Variants in GRID2 observed in about 807,000 individuals in gnomAD.
GRID2 encodes the protein glutamate receptor ionotropic, delta-2.
GRID2 carries 33 observed loss-of-function variants against 114.8 expected under a neutral mutation model. That is an observed-to-expected ratio of 0.29 (90% CI 0.22 to 0.38). The LOEUF (loss-of-function observed/expected upper bound fraction) is 0.38, where lower values mean the gene tolerates loss of function less well. Among genes scored for constraint, GRID2 ranks in the 10% least tolerant of loss-of-function variants. GRID2 has a pLI of 1.00. For synonymous variants in GRID2, 505 were observed against 449.9 expected (o/e 1.12, Z -1.55); for missense variants, 1,184 against 1,257.7 (o/e 0.94, Z 0.89).
intron 2 of GRID2, among the ~76,000 whole-genome samples, chr4:92,881,716 T>C (rs1746031964): frequency 6.6e-6 from 1 of 152,168 alleles, no homozygotes; most frequent in Non-Finnish European, 1.5e-5. Flanking sequence ...TAGGTATTGT[T>C]TTTATTAAAT....
At chr4:92,500,145 A>C (rs758366815) in intron 1 of GRID2, among the ~76,000 whole-genome samples, 1 of 152,070 alleles carries the variant, frequency 6.6e-6, no homozygotes, top group Non-Finnish European at 1.5e-5. Flanking sequence ...GCATTTTACT[A>C]GGATTTGCTT....
At chr4:92,708,231 G>C (rs958646761) in intron 2 of GRID2, among the ~76,000 whole-genome samples, 3 of 152,138 alleles carry the variant, frequency 2.0e-5, no homozygotes, top group African/African-American at 7.2e-5. Context: ...TCCAAAGGTG[G>C]AGAATTAAAA....
At chr4:92,634,102 AAAC>A (rs1730943314) in intron 2 of GRID2, among the ~76,000 whole-genome samples, 1 of 151,498 alleles carries the variant, frequency 6.6e-6, no homozygotes, top group Admixed American at 6.6e-5. Context: ...ATGAGCTAGA[AAAC>A]AAAAATTGCA....
intron 1 of GRID2, among the ~76,000 whole-genome samples, chr4:92,325,238 C>T (rs1018495532): frequency 6.6e-5 from 10 of 151,792 alleles, no homozygotes; most frequent in African/African-American, 2.4e-4. Flanking sequence ...TTAATTTTAA[C>T]CTTCTTTACC....
intron 1 of GRID2, among the ~76,000 whole-genome samples, chr4:92,533,885 G>C (rs961385813): frequency 6.6e-6 from 1 of 151,862 alleles, no homozygotes; most frequent in African/African-American, 2.4e-5. Flanking sequence ...TGTTCTGTTA[G>C]CTGTAGATTC....
At chr4:93,021,743 T>G (rs1442931511) in intron 2 of GRID2, among the ~76,000 whole-genome samples, 8 of 145,918 alleles carry the variant, frequency 5.5e-5, no homozygotes, top group African/African-American at 9.9e-5. Flanking sequence ...ATGAATATTA[T>G]AATTATTTAT....
chr4:93,583,323 C>A (rs931162186), intron 13 of GRID2, among the ~76,000 whole-genome samples: 1 of 152,082 alleles, frequency 6.6e-6, no homozygotes, highest in Non-Finnish European at 1.5e-5. Context: ...AATTAACTTT[C>A]TAGTTTGTGT....
intron 1 of GRID2, among the ~76,000 whole-genome samples, chr4:92,435,822 G>T (rs1422690089): frequency 6.6e-6 from 1 of 152,280 alleles, no homozygotes; most frequent in South Asian, 2.1e-4. Context: ...TCCATCACTG[G>T]AAGTATCTAG....
chr4:92,516,534 C>A (rs1724509069), intron 1 of GRID2, among the ~76,000 whole-genome samples: 1 of 151,792 alleles, frequency 6.6e-6, no homozygotes, highest in African/African-American at 2.4e-5. Context: ...GAAGAAAGCC[C>A]TGTGTGGTTT....
At chr4:93,043,137 T>C (rs1425601107) in intron 2 of GRID2, among the ~76,000 whole-genome samples, 1 of 152,192 alleles carries the variant, frequency 6.6e-6, no homozygotes, top group Non-Finnish European at 1.5e-5. Context: ...TTGAGTATAA[T>C]GACAAAGTTT....
At chr4:92,850,904 A>G (rs1743733130) in intron 2 of GRID2, among the ~76,000 whole-genome samples, 1 of 151,950 alleles carries the variant, frequency 6.6e-6, no homozygotes, top group South Asian at 2.1e-4. Context: ...AATTCTTCAT[A>G]TAATGGCTTT....
chr4:92,675,723 T>C (rs1219057891), intron 2 of GRID2, among the ~76,000 whole-genome samples: 1 of 151,706 alleles, frequency 6.6e-6, no homozygotes, highest in Non-Finnish European at 1.5e-5. Flanking sequence ...GCTAATTTTG[T>C]TTTTGTATTT....
intron 2 of GRID2, among the ~76,000 whole-genome samples, chr4:92,674,633 TGCCTCA>T (rs889945960): frequency 1.3e-5 from 2 of 152,130 alleles, no homozygotes; most frequent in Middle Eastern, 3.2e-3. Flanking sequence ...AGCAATTCTC[TGCCTCA>T]GCCTCCCAAG....
At chr4:92,413,924 T>A (rs1397472990) in intron 1 of GRID2, among the ~76,000 whole-genome samples, 1 of 152,024 alleles carries the variant, frequency 6.6e-6, no homozygotes, top group Non-Finnish European at 1.5e-5. Context: ...GACAGAGGAT[T>A]TTTTTAAATG....
intron 1 of GRID2, among the ~76,000 whole-genome samples, chr4:92,305,240 G>T (rs922976605): frequency 3.9e-5 from 6 of 152,136 alleles, no homozygotes; most frequent in Admixed American, 1.3e-4. Flanking sequence ...GGCTGAGTTC[G>T]CCGCAGCTTA....
chr4:93,573,012 T>C (rs751088839), intron 13 of GRID2, among the ~76,000 whole-genome samples: 2 of 152,142 alleles, frequency 1.3e-5, no homozygotes, highest in Admixed American at 6.6e-5. Flanking sequence ...CCCAGATCTT[T>C]ATCAGTTTTG....
At chr4:92,479,248 T>C (rs534956209) in intron 1 of GRID2, among the ~76,000 whole-genome samples, 47 of 152,258 alleles carry the variant, frequency 3.1e-4, no homozygotes, top group African/African-American at 1.1e-3. Flanking sequence ...AATTACATGG[T>C]TTTTTAAAAG....
At chr4:92,444,295 TAA>T (rs1218250201) in intron 1 of GRID2, among the ~76,000 whole-genome samples, 1 of 152,042 alleles carries the variant, frequency 6.6e-6, no homozygotes. Context: ...GCTGAGTCCG[TAA>T]AGAGAGTCAG....
chr4:92,476,884 T>G (rs1722337936), intron 1 of GRID2, among the ~76,000 whole-genome samples: 1 of 152,160 alleles, frequency 6.6e-6, no homozygotes, highest in African/African-American at 2.4e-5. Context: ...TTTTCTATCT[T>G]TAATTTATAA....
Sources: allele counts gnomAD v4.1 joint callset (sites outside exome capture counted in the v4.1 genomes callset), GRCh38; gene constraint gnomAD v4.1.1; transcripts MANE v1.5; gene names NCBI Gene and HGNC (gene_info 2026-07-23, HGNC 2026-07-21).